Variants in FAM133B observed in about 807,000 individuals in gnomAD.
The protein encoded by FAM133B is family with sequence similarity 133 member B, also known as protein FAM133B.
A neutral mutation model predicts 46.4 loss-of-function variants in FAM133B; 25 were observed. The ratio of observed to expected loss-of-function variants is 0.54; its 90% CI spans 0.39 to 0.75. The LOEUF (loss-of-function observed/expected upper bound fraction) is 0.75, where lower values mean the gene tolerates loss of function less well. Among genes scored for constraint, FAM133B ranks in the 30% least tolerant of loss-of-function variants. The pLI is 0.00. For missense variants in FAM133B, 205 were observed against 277.6 expected (o/e 0.74, Z 1.86); for synonymous variants, 75 against 86.0 (o/e 0.87, Z 0.71).
chr7:92,583,574 G>A (rs975976852), intron 1 of FAM133B, among the ~76,000 whole-genome samples: 4 of 151,994 alleles, frequency 2.6e-5, no homozygotes, highest in Non-Finnish European at 5.9e-5. Context: ...ACATATTGAG[G>A]CAAAACAAAG....
intron 1 of FAM133B, among the ~76,000 whole-genome samples, chr7:92,582,039 AG>A (rs1254801652): frequency 6.6e-6 from 1 of 152,178 alleles, no homozygotes; most frequent in African/African-American, 2.4e-5. Flanking sequence ...ACCTGAAGTC[AG>A]GAATTCAAGA....
At chr7:92,589,101 T>C (rs983049697) in intron 1 of FAM133B, among the ~76,000 whole-genome samples, 4 of 152,220 alleles carry the variant, frequency 2.6e-5, no homozygotes, top group East Asian at 1.9e-4. Context: ...TTGCAAATAA[T>C]TGTTGAATAA....
At chr7:92,585,459 T>A in intron 1 of FAM133B, 2 of 674,402 alleles carry the variant, frequency 3.0e-6, no homozygotes, top group Non-Finnish European at 1.8e-6. Context: ...AGTGCAAATA[T>A]ACACATATCA....
chr7:92,564,062 G>GT (rs1185730786), intron 10 of FAM133B, among the ~76,000 whole-genome samples: 5 of 152,128 alleles, frequency 3.3e-5, no homozygotes, highest in African/African-American at 1.2e-4. Context: ...GCTGTGTAAT[G>GT]TAAGTAAGCC....
chr7:92,577,994 T>C, intron 5 of FAM133B, 156 bp downstream of exon 5: 2 of 715,046 alleles, frequency 2.8e-6, no homozygotes. Context: ...ATGTCAGTGA[T>C]AGAACAAAAT....
intron 8 of FAM133B, among the ~76,000 whole-genome samples, chr7:92,573,057 T>A (rs958885673): frequency 6.6e-6 from 1 of 151,794 alleles, no homozygotes; most frequent in Non-Finnish European, 1.5e-5. Flanking sequence ...TATTCTGTTA[T>A]TTATGAACAC....
intron 8 of FAM133B, among the ~76,000 whole-genome samples, chr7:92,575,511 A>G (rs1168922797): frequency 1.3e-5 from 2 of 152,198 alleles, no homozygotes; most frequent in African/African-American, 2.4e-5. Context: ...GAAATGTTTA[A>G]TCTGCTAATC....
chr7:92,577,236 A>G (rs1444057096), intron 6 of FAM133B, 41 bp from the exon 7 acceptor site: 1 of 1,316,836 alleles, frequency 7.6e-7, no homozygotes, highest in South Asian at 1.6e-5. Context: ...TTCTGTCTCA[A>G]AAATCTAATT....
At chr7:92,566,465 CAAGAAAAAAAAAA>C (rs1338486000) in intron 9 of FAM133B, among the ~76,000 whole-genome samples, 1 of 149,328 alleles carries the variant, frequency 6.7e-6, no homozygotes, top group African/African-American at 2.5e-5. Flanking sequence ...CCATCTCTAC[CAAGAAAAAAAAAA>C]AAGAAAAAGA....
At chr7:92,589,686 G>A (rs1006318090) in intron 1 of FAM133B, among the ~76,000 whole-genome samples, 9 of 152,174 alleles carry the variant, frequency 5.9e-5, no homozygotes, top group African/African-American at 1.9e-4. Context: ...AGTGTCTATG[G>A]GGGCCAGGTC....
intron 10 of FAM133B, among the ~76,000 whole-genome samples, chr7:92,562,942 A>G (rs1171147574): frequency 2.6e-5 from 4 of 152,240 alleles, no homozygotes; most frequent in Non-Finnish European, 5.9e-5. Context: ...TAAGCAAAAC[A>G]GATGTCTGAT....
At chr7:92,583,955 C>T (rs1330634617) in intron 1 of FAM133B, among the ~76,000 whole-genome samples, 1 of 139,920 alleles carries the variant, frequency 7.1e-6, no homozygotes, top group African/African-American at 2.7e-5. Context: ...GAGGCTGAGG[C>T]AGGAAAATCT....
At chr7:92,589,392 G>A (rs778071241) in intron 1 of FAM133B, among the ~76,000 whole-genome samples, 75 of 152,030 alleles carry the variant, frequency 4.9e-4, no homozygotes, top group Non-Finnish European at 5.9e-5. Flanking sequence ...CAACTATCAA[G>A]GACCATTTCC....
In FAM133B at chr7:92,579,170, C is replaced by A. The variant is rs571341548; in HGVS notation, c.201+147G>T. The A allele has an allele frequency of 8.5e-4, 535 of 626,376 alleles. 1 individual carries two copies. Among genetic ancestry groups the A allele is most frequent in the Non-Finnish European group, 1.3e-3 (450 of 358,822 alleles). 38.8% of individuals were successfully genotyped at this position (626,376 alleles called of 1,614,324 possible). ...TTCTTTTTTTTAATGGAGACAAGGG[C>A]GGCGGGGGGGGGCCTTACTTTGTTG... On this transcript the variant is annotated intron_variant, in intron 3 of 10. Coordinates refer to ENST00000445716, the MANE Select transcript of FAM133B (RefSeq NM_152789.4).
At position 92,578,378 on chromosome 7, in the gene FAM133B, GTTCT is replaced by G; in HGVS notation, c.213_216del (p.Lys71AsnfsTer10). ...AACAATTTCTCCCTGTGTTTTTCCA[GTTCT>G]TTCTTCCAGTTCTGCAAAAAGGTTA... On this transcript the variant is annotated frameshift_variant, in exon 4 of 11. Coordinates refer to ENST00000445716, the MANE Select transcript of FAM133B (RefSeq NM_152789.4). LOFTEE classifies it high-confidence loss of function. The G allele has an allele frequency of 6.2e-7, 1 of 1,613,090 alleles. No individual in the cohort carries two copies. The highest frequency in any genetic ancestry group is 8.5e-7 in the Non-Finnish European group (1 of 1,179,558).
chr7:92,568,429 C>T lies in FAM133B; in HGVS notation c.609+1394G>A, dbSNP rs1794430155. Among the ~76,000 whole-genome samples, 3 of 152,048 alleles carry T rather than the reference C, an allele frequency of 2.0e-5. No homozygotes were observed. The South Asian group carries it at 6.2e-4, about 32-fold the overall frequency. ...CTGGAGTGTGATGGCACAATCTTGG[C>T]TCACTGCAACCTCCGCCTCCCGGGT... On this transcript the variant is annotated intron_variant, in intron 9 of 10. Coordinates refer to ENST00000445716, the MANE Select transcript of FAM133B (RefSeq NM_152789.4).
intron 9 of FAM133B, chr7:92,569,517 C>T (rs956935127): frequency 2.3e-5 from 4 of 172,786 alleles, no homozygotes; most frequent in Admixed American, 6.3e-5. Flanking sequence ...TTTCAACATG[C>T]TGTATGTTAC....
chr7:92,572,836 G>C (rs1314369005), intron 8 of FAM133B, among the ~76,000 whole-genome samples: 1 of 152,166 alleles, frequency 6.6e-6, no homozygotes, highest in Non-Finnish European at 1.5e-5. Flanking sequence ...TCATAAAAAG[G>C]AGAACGGAGA....
chr7:92,578,521 C>A, intron 3 of FAM133B, 128 bp from the exon 4 acceptor site: 1 of 814,688 alleles, frequency 1.2e-6, no homozygotes, highest in Non-Finnish European at 2.0e-6. Flanking sequence ...CTTCTAATTA[C>A]AGTCAAAAGA....
Sources: gnomAD v4.1 joint callset for allele counts (sites outside exome capture counted in the v4.1 genomes callset) on GRCh38, gnomAD v4.1.1 for gene constraint, MANE v1.5 for transcripts, NCBI Gene and HGNC (gene_info 2026-07-23, HGNC 2026-07-21) for gene names.